The following TAF4B variants were observed in gnomAD, a reference collection of about 807,000 sequenced individuals.
TAF4B encodes the protein TATA-box binding protein associated factor 4b.
In TAF4B, 38 loss-of-function variants were observed where a neutral mutation model predicts 86.4. The ratio of observed to expected loss-of-function variants is 0.44; its 90% confidence interval spans 0.34 to 0.58. The LOEUF is 0.58. Ranked by LOEUF, TAF4B falls within the 20% of genes least tolerant of loss-of-function variation. The probability of loss-of-function intolerance (pLI) is 0.02; values close to 1 mark genes in which losing one functional copy is unlikely to be tolerated. For synonymous variants in TAF4B, 388 were observed against 391.2 expected, an observed-to-expected ratio of 0.99 and a Z score of 0.10; for missense variants, 988 against 1,027.6, an observed-to-expected ratio of 0.96 and a Z score of 0.53.
At chr18:26,324,965 A>G (rs765516838) in intron 11 of TAF4B, among the ~76,000 whole-genome samples, 55 of 152,198 alleles carry the variant, frequency 3.6e-4, no homozygotes, top group Non-Finnish European at 6.8e-4. Flanking sequence ...AGTGTAGGAA[A>G]TTCTACTCCA....
At chr18:26,343,566 A>G (rs2057152908) in intron 13 of TAF4B, among the ~76,000 whole-genome samples, 2 of 152,204 alleles carry the variant, frequency 1.3e-5, no homozygotes. Flanking sequence ...TGTTGATTGC[A>G]TGCTAAAACA....
chr18:26,373,252 C>T (rs1220182755), intron 14 of TAF4B, among the ~76,000 whole-genome samples: 1 of 152,142 alleles, frequency 6.6e-6, no homozygotes, highest in Non-Finnish European at 1.5e-5. Context: ...CCTTATTACC[C>T]TAGTCAGGAG....
intron 1 of TAF4B, among the ~76,000 whole-genome samples, chr18:26,250,487 A>G (rs2055989953): frequency 7.6e-6 from 1 of 130,994 alleles, no homozygotes; most frequent in Non-Finnish European, 1.6e-5. Flanking sequence ...ACAGAGCGAG[A>G]CTCCATCTCA....
At chr18:26,387,711 T>C (rs1390833871) in intron 14 of TAF4B, among the ~76,000 whole-genome samples, 4 of 152,244 alleles carry the variant, frequency 2.6e-5, no homozygotes, top group Admixed American at 2.6e-4. Flanking sequence ...AGCCGAACAA[T>C]TGGGCAGCTG....
At chr18:26,245,051 C>CCA (rs2055901975) in intron 1 of TAF4B, among the ~76,000 whole-genome samples, 1 of 150,792 alleles carries the variant, frequency 6.6e-6, no homozygotes, top group Admixed American at 6.6e-5. Flanking sequence ...GCTCCGAACT[C>CCA]CAAAGAGTCT....
At chr18:26,315,711 A>G (rs916563423) in intron 10 of TAF4B, among the ~76,000 whole-genome samples, 70 of 151,908 alleles carry the variant, frequency 4.6e-4, no homozygotes, top group African/African-American at 1.7e-3. Flanking sequence ...GACTTTTGGC[A>G]TATATATGTA....
chr18:26,342,222 T>C (rs1434014074), intron 13 of TAF4B, among the ~76,000 whole-genome samples: 1 of 152,210 alleles, frequency 6.6e-6, no homozygotes, highest in Non-Finnish European at 1.5e-5. Context: ...CTAATTTCTT[T>C]AGATTTTTTC....
chr18:26,251,507 T>C (rs899654602), intron 1 of TAF4B, among the ~76,000 whole-genome samples: 2 of 152,134 alleles, frequency 1.3e-5, no homozygotes, highest in Non-Finnish European at 1.5e-5. Flanking sequence ...GGCTGAAGGG[T>C]AGAATATGTA....
intron 1 of TAF4B, among the ~76,000 whole-genome samples, chr18:26,233,527 G>A (rs183510181): frequency 2.4e-4 from 37 of 152,240 alleles, no homozygotes; most frequent in Middle Eastern, 6.8e-3. Context: ...GATCAGTTGG[G>A]GCTTGAAGTT....
chr18:26,355,097 C>G (rs1469128059), intron 13 of TAF4B, among the ~76,000 whole-genome samples: 2 of 151,980 alleles, frequency 1.3e-5, no homozygotes. Context: ...TGTAGAAATA[C>G]CTGTATGTGT....
chr18:26,245,117 C>A (rs567577152), intron 1 of TAF4B, among the ~76,000 whole-genome samples: 1 of 152,130 alleles, frequency 6.6e-6, no homozygotes, highest in Non-Finnish European at 1.5e-5. Context: ...TTTAGTCTGG[C>A]GGCCATGCTA....
At chr18:26,297,510 C>T (rs1452052514) in intron 9 of TAF4B, among the ~76,000 whole-genome samples, 1 of 152,150 alleles carries the variant, frequency 6.6e-6, no homozygotes, top group African/African-American at 2.4e-5. Flanking sequence ...TGCATGCTTT[C>T]CCCCTGGCTT....
chr18:26,256,431 C>T (rs569821993), intron 1 of TAF4B: 23 of 833,862 alleles, frequency 2.8e-5, no homozygotes, highest in African/African-American at 2.5e-4. Context: ...GCAGAGTGCA[C>T]GCCAGGCCAG....
At chr18:26,297,819 A>G (rs2056682285) in intron 9 of TAF4B, among the ~76,000 whole-genome samples, 1 of 152,158 alleles carries the variant, frequency 6.6e-6, no homozygotes, top group African/African-American at 2.4e-5. Flanking sequence ...ATATCTTTGT[A>G]TGGACATAGA....
At chr18:26,230,980 T>C (rs534764169) in intron 1 of TAF4B, among the ~76,000 whole-genome samples, 1 of 150,628 alleles carries the variant, frequency 6.6e-6, no homozygotes, top group Admixed American at 6.6e-5. Context: ...TGAAAATCAC[T>C]AAAATGTAAT....
intron 13 of TAF4B, among the ~76,000 whole-genome samples, chr18:26,353,857 G>A (rs896979065): frequency 2.1e-4 from 32 of 152,244 alleles, no homozygotes; most frequent in African/African-American, 7.7e-4. Flanking sequence ...TTTTGATGCA[G>A]TCCAATTTGC....
At chr18:26,268,317 C>T (rs1351834208) in intron 3 of TAF4B, among the ~76,000 whole-genome samples, 1 of 152,178 alleles carries the variant, frequency 6.6e-6, no homozygotes, top group Non-Finnish European at 1.5e-5. Context: ...CTGGGATTCT[C>T]ATGGTTTTCG....
chr18:26,273,522 C>G (rs1253749134), intron 3 of TAF4B, among the ~76,000 whole-genome samples: 1 of 152,134 alleles, frequency 6.6e-6, no homozygotes, highest in Non-Finnish European at 1.5e-5. Context: ...TCCTCTCCTT[C>G]TATCAATTCT....
rs748621218 is a variant in TAF4B, at chr18:26,227,049, C to T, written c.116C>T (p.Pro39Leu). 25 of 1,578,948 alleles carry T rather than the reference C, an allele frequency of 1.6e-5. No homozygotes were observed. Among genetic ancestry groups the T allele is most frequent in the Non-Finnish European group, 2.1e-5 (24 of 1,169,954 alleles). ...GALPVRVEST[P>L]VALGAVTKAP... ...CTGCCGGTGCGGGTGGAGAGCACTC[C>T]GGTGGCCCTGGGCGCCGTGACTAAG... Residue 39 changes from proline (P) to leucine (L), a missense_variant, in exon 1 of 15, where the codon CCG (proline) becomes CTG (leucine). By Grantham distance (98) the Pro-to-Leu change is moderately conservative. Around this residue, in one of 3 missense-constraint regions of TAF4B, gnomAD observed 747 missense variants for 737.9 expected, o/e 1.01. Coordinates refer to ENST00000269142, the MANE Select transcript of TAF4B (RefSeq NM_005640.3).
Sources: gnomAD v4.1 joint callset for allele counts (sites outside exome capture counted in the v4.1 genomes callset) on GRCh38, gnomAD v4.1.1 for gene constraint, gnomAD v4.1.1 regional missense constraint, MANE v1.5 for transcripts, NCBI Gene and HGNC (gene_info 2026-07-23, HGNC 2026-07-21) for gene names.